The following NMD3 variants were observed in gnomAD, a reference collection of about 807,000 sequenced individuals.
The protein encoded by NMD3 is NMD3 ribosome export adaptor, also known as 60S ribosomal export protein NMD3.
A neutral mutation model predicts 73.1 loss-of-function variants in NMD3; 47 were observed. That is an observed-to-expected ratio of 0.64 (90% CI 0.51 to 0.82). The LOEUF (loss-of-function observed/expected upper bound fraction) is 0.82, where lower values mean the gene tolerates loss of function less well. Among genes scored for constraint, NMD3 ranks in the 40% least tolerant of loss-of-function variants. The pLI, the probability that NMD3 is intolerant of heterozygous loss-of-function variation, is 0.00. For synonymous variants in NMD3, 210 were observed against 194.5 expected (o/e 1.08, Z -0.66); for missense variants, 554 against 612.5 (o/e 0.90, Z 1.01).
chr3:161,227,114 A>G, intron 3 of NMD3, 133 bp from the exon 4 acceptor site: 1 of 551,676 alleles, frequency 1.8e-6, no homozygotes. Context: ...AATATGTTTG[A>G]GTTAAGTGCT....
chr3:161,235,194 C>A lies in NMD3; in HGVS notation c.559C>A (p.Arg187Ser). Residue 187 changes from arginine (R) to serine (S), a missense_variant, in exon 7 of 16, where the codon CGT becomes AGT. Transcript: ENST00000351193. ...ATATGGAATGCATCAGAATACACTT[C>A]GTATCAAAGAGATTCATGGTGAGTT... is the stretch of plus-strand genomic sequence containing the variant. ...LKYGMHQNTL[R>S]IKEIHDGLDF... 1.3e-6 allele frequency: 2 copies of A among 1,534,494 alleles called. No homozygotes were observed. Among genetic ancestry groups the A allele is most frequent in the Middle Eastern group, 1.7e-4 (1 of 5,794 alleles).
chr3:161,242,777 A>G (rs932670201), intron 11 of NMD3, 124 bp downstream of exon 11: 15 of 733,866 alleles, frequency 2.0e-5, no homozygotes, highest in Non-Finnish European at 2.9e-5. Flanking sequence ...GCACCACATT[A>G]GGAAAAAAAT....
chr3:161,233,487 G>A lies in NMD3; in HGVS notation c.357+8G>A. ...CTGACTATTCAGAAAGAGGTAAGCAGTACATAATTTTCTCAGCATGGTTAA... is the reference window on the plus strand; with the variant it reads ...CTGACTATTCAGAAAGAGGTAAGCAATACATAATTTTCTCAGCATGGTTAA... On this transcript the variant is annotated splice_region_variant and intron_variant, in intron 5 of 15. Transcript: ENST00000351193. The A allele has an allele frequency of 6.4e-7, 1 of 1,561,732 alleles. No individual in the cohort carries two copies.
chr3:161,231,265 A>G (rs1736536612), intron 4 of NMD3, among the ~76,000 whole-genome samples: 1 of 152,190 alleles, frequency 6.6e-6, no homozygotes, highest in Non-Finnish European at 1.5e-5. Flanking sequence ...GTGCCCAGGA[A>G]CTAGAGGAAA....
In NMD3 at chr3:161,250,174, A is replaced by G; in HGVS notation, c.1311-82A>G. The G allele has an allele frequency of 3.9e-6, 3 of 762,556 alleles. 1 individual carries two copies. Among genetic ancestry groups the G allele is most frequent in the Non-Finnish European group, 6.7e-6 (3 of 447,292 alleles). 47.2% of individuals were successfully genotyped at this position (762,556 alleles called of 1,614,324 possible). On this transcript the variant is annotated intron_variant, in intron 14 of 15. Transcript: ENST00000351193. Reference sequence around the variant, plus strand: ...GAGTTGGAAACAGCAGTATGTCTACATAGTCCTTAAAATGAAAGTCCTTAA... The same window carrying G: ...GAGTTGGAAACAGCAGTATGTCTACGTAGTCCTTAAAATGAAAGTCCTTAA...
intron 15 of NMD3, 77 bp from the exon 16 acceptor site, chr3:161,250,703 A>G (rs1737449565): frequency 1.2e-6 from 1 of 856,684 alleles, no homozygotes; most frequent in Non-Finnish European, 1.7e-6. Context: ...AGATATTTGT[A>G]TATTTTCAAA....
chr3:161,247,280 T>G lies in NMD3; in HGVS notation c.1153T>G (p.Leu385Val). 6.2e-7 allele frequency: 1 copy of G among 1,611,560 alleles called. No individual in the cohort carries two copies. The highest frequency in any genetic ancestry group is 8.5e-7 in the Non-Finnish European group (1 of 1,177,920). The change falls in exon 13 of 16, where the codon TTA becomes GTA. Residue 385 changes from leucine to valine, a missense_variant. Physicochemically the swap from Leu to Val is conservative, Grantham distance 32. Coordinates refer to ENST00000351193, the MANE Select transcript of NMD3 (RefSeq NM_015938.5). ...CAGGTTTGATTTGGCCAACTGTAAC[T>G]TAAATGATGAGCATGTCAACAAAAT... is the stretch of plus-strand genomic sequence containing the variant. ...VLGFDLANCN[L>V]NDEHVNKMNS...
intron 13 of NMD3, among the ~76,000 whole-genome samples, chr3:161,248,832 G>A (rs577195342): frequency 6.6e-6 from 1 of 152,076 alleles, no homozygotes; most frequent in Non-Finnish European, 1.5e-5. Flanking sequence ...AGCAAAAAAA[G>A]TAGAGCCATG....
At chr3:161,228,827 C>G (rs140943912) in intron 4 of NMD3, among the ~76,000 whole-genome samples, 1 of 152,042 alleles carries the variant, frequency 6.6e-6, no homozygotes, top group Non-Finnish European at 1.5e-5. Flanking sequence ...ATGCAGCGAT[C>G]AAAATAGGTG....
intron 3 of NMD3, among the ~76,000 whole-genome samples, chr3:161,225,858 ATG>A (rs1172741361): frequency 5.9e-5 from 9 of 151,750 alleles, no homozygotes; most frequent in Admixed American, 2.6e-4. Flanking sequence ...AAAAATATAT[ATG>A]TGTGTGTGTG....
intron 2 of NMD3, chr3:161,222,936 G>C (rs957891094): frequency 1.3e-5 from 2 of 152,268 alleles, no homozygotes; most frequent in African/African-American, 2.4e-5. Context: ...CAGTGGGTTT[G>C]AATAAGCCAT....
At position 161,238,094 on chromosome 3, in the gene NMD3, CTT is replaced by C. The variant is rs11344126; in HGVS notation, c.578-5_578-4del. ...ATTTTGCATAATTATTTTCATAGGGCTTTTTTTTTTTTTTTAAGATGGTCTGG... is the reference window on the plus strand; with the variant it reads ...ATTTTGCATAATTATTTTCATAGGGCTTTTTTTTTTTTTAAGATGGTCTGG... On this transcript the variant is annotated splice_polypyrimidine_tract_variant and intron_variant, in intron 7 of 15. Transcript: ENST00000351193. The C allele has an allele frequency of 0.3, 416,572 of 1,373,968 alleles. 21,632 individuals carry two copies. Among genetic ancestry groups the C allele is most frequent in the East Asian group, 0.47 (19,444 of 41,306 alleles). The allele number at this position is 1,373,968 out of a possible 1,614,324, so 85.1% of individuals were successfully genotyped here. A position where few individuals can be genotyped will look rare whatever the true frequency, so the allele number is the denominator to read the frequency against.
chr3:161,235,301 A>G (rs1055271999), intron 7 of NMD3, 89 bp downstream of exon 7: 8 of 556,566 alleles, frequency 1.4e-5, no homozygotes, highest in Non-Finnish European at 1.9e-5. Context: ...TAATATCTGG[A>G]TTAGTACTGT....
At position 161,241,147 on chromosome 3, in the gene NMD3, TCCAAACACCCTACAA is replaced by T; in HGVS notation, c.856_870del (p.Pro286_Gln290del). 3 of 1,598,324 alleles carry T rather than the reference TCCAAACACCCTACAA, an allele frequency of 1.9e-6. No individual in the cohort carries two copies. The East Asian group carries it at 6.7e-5, about 36-fold the overall frequency. On this transcript the variant is annotated inframe_deletion and splice_region_variant, in exon 10 of 16. Transcript: ENST00000351193. ...TAACCAGTGCCATTCACCTCATTGA[TCCAAACACCCTACAA>T]GGTAAATTCTGGAAATGATTTGCCT...
intron 4 of NMD3, among the ~76,000 whole-genome samples, chr3:161,228,911 G>A (rs935737371): frequency 1.3e-5 from 2 of 152,138 alleles, no homozygotes; most frequent in African/African-American, 4.8e-5. Context: ...AACTGTGCAT[G>A]GAAGAGTTGA....
intron 2 of NMD3, 95 bp from the exon 3 acceptor site, chr3:161,224,835 C>G (rs1736244279): frequency 1.6e-6 from 2 of 1,234,290 alleles, no homozygotes; most frequent in Non-Finnish European, 1.1e-6. Context: ...GATGCTGTGG[C>G]CTAACTTGAA....
At chr3:161,223,111 G>A (rs1229522387) in intron 2 of NMD3, 1 of 152,240 alleles carries the variant, frequency 6.6e-6, no homozygotes, top group Non-Finnish European at 1.5e-5. Flanking sequence ...TTCTGGAAGA[G>A]CCTGGTTAGC....
At chr3:161,243,596 A>G (rs1737077144) in intron 11 of NMD3, among the ~76,000 whole-genome samples, 1 of 152,158 alleles carries the variant, frequency 6.6e-6, no homozygotes, top group Non-Finnish European at 1.5e-5. Flanking sequence ...TCCTTAGACA[A>G]CTAGTGCATT....
At position 161,249,641 on chromosome 3, in the gene NMD3, G is replaced by A. The variant is rs561426633; in HGVS notation, c.1310+81G>A. ...TACTTTTTATGTTGTAAAGAAATAG[G>A]CATCACACAATTGATCCTTGCACTC... On this transcript the variant is annotated intron_variant, in intron 14 of 15. Transcript: ENST00000351193. 2,378 of 865,728 alleles carry A rather than the reference G, an allele frequency of 2.7e-3. 3 individuals are homozygous for A. The highest frequency in any genetic ancestry group is 4.2e-3 in the Non-Finnish European group (2,193 of 522,656). The allele number at this position is 865,728 out of a possible 1,614,324, so 53.6% of individuals were successfully genotyped here.
Sources: gnomAD v4.1 joint callset for allele counts (sites outside exome capture counted in the v4.1 genomes callset) on GRCh38, gnomAD v4.1.1 for gene constraint, MANE v1.5 for transcripts, NCBI Gene and HGNC (gene_info 2026-07-23, HGNC 2026-07-21) for gene names.